The following FRY variants were observed in gnomAD, a reference collection of about 807,000 sequenced individuals.
FRY encodes the protein protein furry homolog.
FRY carries 128 observed loss-of-function variants against 348.4 expected under a neutral mutation model. That is an observed-to-expected ratio of 0.37 (90% CI 0.32 to 0.43). The LOEUF is 0.43. Ranked by LOEUF, FRY falls within the 20% of genes least tolerant of loss-of-function variation. The probability of loss-of-function intolerance (pLI) is 1.00; values close to 1 mark genes in which losing one functional copy is unlikely to be tolerated. For synonymous variants in FRY, 1,370 were observed against 1,374.7 expected (o/e 1.00, Z 0.08); for missense variants, 2,736 against 3,695.2 (o/e 0.74, Z 6.73).
At chr13:32,139,010 T>C (rs1041212445) in intron 11 of FRY, among the ~76,000 whole-genome samples, 1 of 152,192 alleles carries the variant, frequency 6.6e-6, no homozygotes, top group Non-Finnish European at 1.5e-5. Flanking sequence ...ATTTTATGGG[T>C]AATAATCTAT....
intron 51 of FRY, among the ~76,000 whole-genome samples, chr13:32,260,288 G>C (rs1014848896): frequency 2.0e-5 from 3 of 152,172 alleles, no homozygotes; most frequent in Non-Finnish European, 2.9e-5. Flanking sequence ...CCATCAGGCA[G>C]TGTTTCAAAT....
chr13:32,257,635 T>A (rs1887405644), intron 51 of FRY, among the ~76,000 whole-genome samples: 1 of 113,190 alleles, frequency 8.8e-6, no homozygotes, highest in Non-Finnish European at 2.2e-5. Context: ...CACGAATACA[T>A]ATTTAGGCAT....
intron 58 of FRY, among the ~76,000 whole-genome samples, chr13:32,280,849 T>C (rs1052669331): frequency 6.6e-6 from 1 of 152,210 alleles, no homozygotes; most frequent in African/African-American, 2.4e-5. Context: ...AGTTAACTTA[T>C]CCTATTTCCC....
At position 32,178,196 on chromosome 13, in the gene FRY, A is replaced by G. The variant is rs1180484488; in HGVS notation, c.2441A>G (p.His814Arg). 1 of 1,614,184 alleles carries G rather than the reference A, an allele frequency of 6.2e-7. No individual in the cohort carries two copies. Among genetic ancestry groups the G allele is most frequent in the Non-Finnish European group, 8.5e-7 (1 of 1,179,998 alleles). ...CTACAGGCAACATTACCACTCACCC[A>G]CAATGTGGATCTGCAGTGGTTGGTG... ...VSDSATLPLTHNVDLQWLVEW... is the reference protein window; with the variant it reads ...VSDSATLPLTRNVDLQWLVEW... Residue 814 changes from histidine (H) to arginine (R), a missense_variant, in exon 21 of 61, where the codon CAC (histidine) becomes CGC (arginine). Coordinates refer to ENST00000542859, the MANE Select transcript of FRY (RefSeq NM_023037.3).
chr13:32,254,262 G>GCAC lies in FRY; in HGVS notation c.7287_7289dup (p.His2429dup). ...CGTGTGGGGATCTGGATCTGCTTGA[G>GCAC]CACCAGACAAGCTTGGTATCTTCTG... is the stretch of plus-strand genomic sequence containing the variant. On this transcript the variant is annotated inframe_insertion, in exon 51 of 61. Coordinates refer to ENST00000542859, the MANE Select transcript of FRY (RefSeq NM_023037.3). 1.2e-6 allele frequency: 2 copies of GCAC among 1,614,048 alleles called. No individual in the cohort carries two copies. Among genetic ancestry groups the GCAC allele is most frequent in the Non-Finnish European group, 1.7e-6 (2 of 1,179,978 alleles).
At chr13:32,078,501 A>G (rs779496797) in intron 1 of FRY, among the ~76,000 whole-genome samples, 4 of 152,176 alleles carry the variant, frequency 2.6e-5, no homozygotes, top group South Asian at 4.1e-4. Context: ...CATTTTCTAA[A>G]TGGGACTGCT....
rs1314327925 is a variant in FRY at position 32,203,795 on chromosome 13, G to A, written c.4018+1268G>A. ...GCACTTTGCCAAGAGACAGACTTTG[G>A]CCTCTTGAATTCATCCTGTTTTTCC... On this transcript the variant is annotated intron_variant, in intron 31 of 60. Coordinates refer to ENST00000542859, the MANE Select transcript of FRY (RefSeq NM_023037.3). 2.0e-5 allele frequency among the ~76,000 whole-genome samples: 3 copies of A among 151,964 alleles called. No homozygotes were observed. The South Asian group carries it at 6.2e-4, about 32-fold the overall frequency.
At chr13:32,238,027 G>A in intron 44 of FRY, 41 bp downstream of exon 44, 1 of 1,604,718 alleles carries the variant, frequency 6.2e-7, no homozygotes, top group Non-Finnish European at 8.5e-7. Context: ...TTCTGATGGT[G>A]ACTGTGTTCA....
At chr13:32,272,936 G>A (rs1220086868) in intron 55 of FRY, among the ~76,000 whole-genome samples, 2 of 151,734 alleles carry the variant, frequency 1.3e-5, no homozygotes, top group African/African-American at 4.8e-5. Flanking sequence ...AGCAGAGACG[G>A]GGTTTCACCA....
At chr13:32,247,217 T>G in intron 47 of FRY, 106 bp from the exon 48 acceptor site, 1 of 881,216 alleles carries the variant, frequency 1.1e-6, no homozygotes, top group Non-Finnish European at 1.9e-6. Context: ...CTGTTTTAAG[T>G]CAGTGAATTC....
chr13:32,255,199 G>A (rs1170421776), intron 51 of FRY, among the ~76,000 whole-genome samples: 3 of 152,040 alleles, frequency 2.0e-5, no homozygotes, highest in South Asian at 2.1e-4. Flanking sequence ...AAGGTGCCTC[G>A]TTCGGAACCG....
intron 59 of FRY, among the ~76,000 whole-genome samples, chr13:32,290,861 C>T (rs1309632675): frequency 6.6e-6 from 1 of 152,018 alleles, no homozygotes; most frequent in Non-Finnish European, 1.5e-5. Flanking sequence ...GGATGAGACT[C>T]AGGTTCCATC....
chr13:32,057,683 G>C (rs1229318547), intron 1 of FRY, among the ~76,000 whole-genome samples: 1 of 152,112 alleles, frequency 6.6e-6, no homozygotes, highest in Admixed American at 6.5e-5. Context: ...CAGTCAGCCG[G>C]GCATGGTGGC....
At chr13:32,079,747 G>A (rs765884868) in intron 2 of FRY, among the ~76,000 whole-genome samples, 2 of 152,138 alleles carry the variant, frequency 1.3e-5, no homozygotes, top group Non-Finnish European at 2.9e-5. Flanking sequence ...GGAAGGAAGC[G>A]CAATTGGTAG....
In FRY at chr13:32,031,776, C is replaced by G. The variant is rs755189873; in HGVS notation, c.-20C>G. 1.3e-6 allele frequency: 2 copies of G among 1,560,878 alleles called. No individual in the cohort carries two copies. ...TCCCGGCCGCTGCCCGTCCTCCCAG[C>G]CTCTTTGTATGCCGCAGACATGGCC... is the stretch of plus-strand genomic sequence containing the variant. On this transcript the variant is annotated 5_prime_UTR_variant, in exon 1 of 61. Transcript: ENST00000542859.
intron 17 of FRY, 72 bp from the exon 18 acceptor site, chr13:32,170,940 A>G (rs61040704): frequency 0.13 from 140,614 of 1,111,600 alleles, 9,859 homozygotes; most frequent in African/African-American, 0.24. Flanking sequence ...ATTAATATCT[A>G]TTAATCCTTG....
At chr13:32,058,191 C>CG (rs1566048074) in intron 1 of FRY, among the ~76,000 whole-genome samples, 1 of 152,034 alleles carries the variant, frequency 6.6e-6, no homozygotes, top group African/African-American at 2.4e-5. Context: ...AAATATATGA[C>CG]TTTTTTTGGA....
chr13:32,151,174 T>C (rs1290590960), intron 14 of FRY, among the ~76,000 whole-genome samples: 4 of 152,256 alleles, frequency 2.6e-5, no homozygotes, highest in Non-Finnish European at 4.4e-5. Context: ...AAAAAGGACA[T>C]GTTAAAAGCT....
rs758786094 is a variant in FRY, at chr13:32,237,871, G to A, written c.6303G>A (p.Gln2101=). 23 of 1,614,072 alleles carry A rather than the reference G, an allele frequency of 1.4e-5. No individual in the cohort carries two copies. Among genetic ancestry groups the A allele is most frequent in the Non-Finnish European group, 1.9e-5 (22 of 1,180,024 alleles). The change falls in exon 44 of 61, where the codon CAG becomes CAA. Residue 2101 remains glutamine, a synonymous_variant. Coordinates refer to ENST00000542859, the MANE Select transcript of FRY (RefSeq NM_023037.3). This position sits in a 1 kb window ranked among gnomAD's most constrained non-coding sequence, Gnocchi z 6.3. ...AGTGGGCCGACTTCTCCGGGCTGCA[G>A]CAGCTGCTGCTGAAAGGATTCACAT... ...QLKWADFSGL[Q]QLLLKGFTSL...
Sources: gnomAD v4.1 joint callset for allele counts (sites outside exome capture counted in the v4.1 genomes callset) on GRCh38, gnomAD v4.1.1 for gene constraint, Gnocchi (gnomAD v3.1) non-coding constraint, MANE v1.5 for transcripts, NCBI Gene and HGNC (gene_info 2026-07-23, HGNC 2026-07-21) for gene names.